OR2L3: variants seen among roughly 807,000 people sequenced by gnomAD.
OR2L3 encodes the protein olfactory receptor family 2 subfamily L member 3, also known as olfactory receptor 2L3.
For missense variants in OR2L3, 369 were observed against 376.6 expected (o/e 0.98, Z 0.17); for synonymous variants, 131 against 139.1 (o/e 0.94, Z 0.41).
chr1:248,046,933 A>G (rs1043034868), intron 1 of OR2L3, 53 bp downstream of exon 1: 2 of 152,122 alleles, frequency 1.3e-5, no homozygotes, highest in Admixed American at 6.5e-5. Flanking sequence ...GGAAGAAGGA[A>G]CTCTGGCAAG....
chr1:248,053,736 G>A (rs540140102), intron 1 of OR2L3, among the ~76,000 whole-genome samples: 2 of 152,060 alleles, frequency 1.3e-5, no homozygotes, highest in Non-Finnish European at 2.9e-5. Flanking sequence ...AAATATGTTT[G>A]TTGGCCATAC....
At chr1:248,060,597 A>C (rs1009658957) in intron 1 of OR2L3, 64 bp from the exon 2 acceptor site, 35 of 1,069,158 alleles carry the variant, frequency 3.3e-5, no homozygotes, top group Non-Finnish European at 4.7e-5. Flanking sequence ...GAGGGGCTTC[A>C]AATGCATTCC....
In OR2L3 at chr1:248,061,067, T is replaced by C; in HGVS notation, c.386T>C (p.Leu129Pro). Residue 129 changes from leucine (L) to proline (P), a missense_variant, in exon 2 of 2, where the codon CTT becomes CCT. Leu to Pro is a moderately conservative substitution (Grantham distance 98). Transcript: ENST00000359959. ...CGTTACATTGCTATTTGCTTTCCTC[T>C]TCACTATCCCATCCGCATGAGCAAA... Reference protein sequence around the residue: ...YDRYIAICFPLHYPIRMSKRM... With the variant: ...YDRYIAICFPPHYPIRMSKRM... 6.2e-7 allele frequency: 1 copy of C among 1,614,140 alleles called. No homozygotes were observed. Among genetic ancestry groups the C allele is most frequent in the Non-Finnish European group, 8.5e-7 (1 of 1,180,030 alleles).
chr1:248,060,449 A>C (rs544359147), intron 1 of OR2L3, among the ~76,000 whole-genome samples: 38 of 152,330 alleles, frequency 2.5e-4, no homozygotes, highest in African/African-American at 8.9e-4. Context: ...CTGTATATTC[A>C]TTCTATTTTA....
intron 1 of OR2L3, among the ~76,000 whole-genome samples, chr1:248,055,387 T>C (rs1315725931): frequency 1.3e-5 from 2 of 152,178 alleles, no homozygotes; most frequent in African/African-American, 4.8e-5. Flanking sequence ...TCAGGGATAT[T>C]GGCACAAAGT....
At chr1:248,054,532 G>A (rs941333438) in intron 1 of OR2L3, among the ~76,000 whole-genome samples, 8 of 151,904 alleles carry the variant, frequency 5.3e-5, no homozygotes, top group East Asian at 1.9e-4. Flanking sequence ...TGCTTTGGGC[G>A]GTATGGCCAT....
intron 1 of OR2L3, among the ~76,000 whole-genome samples, chr1:248,058,371 T>C (rs1038465504): frequency 4.6e-5 from 7 of 152,092 alleles, no homozygotes; most frequent in African/African-American, 1.7e-4. Flanking sequence ...TAGTAACTGC[T>C]CCCTCCTCCG....
In OR2L3 at chr1:248,063,381, G is replaced by A. The variant is rs534961819; in HGVS notation, c.*1761G>A. The A allele has an allele frequency of 6.6e-6, 1 of 152,148 alleles. No homozygotes were observed. Among genetic ancestry groups the A allele is most frequent in the African/African-American group, 2.4e-5 (1 of 41,436 alleles). The allele number at this position is 152,148 out of a possible 1,614,324, so 9.4% of individuals were successfully genotyped here. A position where few individuals can be genotyped will look rare whatever the true frequency, so the allele number is the denominator to read the frequency against. On this transcript the variant is annotated 3_prime_UTR_variant, in exon 2 of 2. Transcript: ENST00000359959. ...TCTATTTCTAAGCCTGTGGATATTTGTTTTACCATATTGTAGCAGTTAAAA... is the reference window on the plus strand; with the variant it reads ...TCTATTTCTAAGCCTGTGGATATTTATTTTACCATATTGTAGCAGTTAAAA...
intron 1 of OR2L3, among the ~76,000 whole-genome samples, chr1:248,051,010 T>C (rs377650252): frequency 1.4e-4 from 21 of 152,204 alleles, no homozygotes; most frequent in African/African-American, 4.6e-4. Flanking sequence ...GCAAATATAC[T>C]TAAGAGGAAC....
intron 1 of OR2L3, among the ~76,000 whole-genome samples, chr1:248,059,622 G>T (rs1266590574): frequency 6.6e-6 from 1 of 152,170 alleles, no homozygotes; most frequent in Admixed American, 6.6e-5. Context: ...ATTCCTTCTG[G>T]ATTTCTAAAT....
At position 248,060,963 on chromosome 1, in the gene OR2L3, T is replaced by C. The variant is rs760605399; in HGVS notation, c.282T>C (p.Thr94=). 1.9e-6 allele frequency: 3 copies of C among 1,614,036 alleles called. No individual in the cohort carries two copies. The highest frequency in any genetic ancestry group is 2.2e-5 in the South Asian group (2 of 91,078). The change falls in exon 2 of 2, where the codon ACT becomes ACC. Residue 94 remains threonine (T), a synonymous_variant. Coordinates refer to ENST00000359959, the MANE Select transcript of OR2L3 (RefSeq NM_001004687.2). The stretch of plus-strand genomic sequence containing the variant: ...CTGGTAACAAGTCTATCTCCTTCAC[T>C]GGGTGTGGGATTCAGAGTTTCTTCT... ...FLSGNKSISF[T]GCGIQSFFFS... is the part of the protein sequence containing the mutation.
At chr1:248,056,655 G>A (rs1558201433) in intron 1 of OR2L3, among the ~76,000 whole-genome samples, 2 of 138,970 alleles carry the variant, frequency 1.4e-5, no homozygotes, top group Admixed American at 8.1e-5. Flanking sequence ...CCCTGTAGTT[G>A]TGTGGTTTTG....
intron 1 of OR2L3, among the ~76,000 whole-genome samples, chr1:248,052,010 G>C (rs1321208589): frequency 6.6e-6 from 1 of 152,132 alleles, no homozygotes; most frequent in Non-Finnish European, 1.5e-5. Context: ...ACTTTATGCA[G>C]ATATTAAATG....
intron 1 of OR2L3, among the ~76,000 whole-genome samples, chr1:248,053,807 T>C (rs1663349833): frequency 6.6e-6 from 1 of 151,986 alleles, no homozygotes; most frequent in Non-Finnish European, 1.5e-5. Flanking sequence ...ATGGGGTTGT[T>C]TGTTCTTTTC....
chr1:248,052,492 G>GC (rs548095193), intron 1 of OR2L3, among the ~76,000 whole-genome samples: 2 of 152,130 alleles, frequency 1.3e-5, no homozygotes, highest in Non-Finnish European at 2.9e-5. Context: ...ACTTTGGGAG[G>GC]CCGAGCCGGG....
rs1422093833 is a variant in OR2L3, at chr1:248,061,583, C to A, written c.902C>A (p.Thr301Lys). 1 of 1,613,226 alleles carries A rather than the reference C, an allele frequency of 6.2e-7. No homozygotes were observed. The highest frequency in any genetic ancestry group is 1.7e-5 in the Admixed American group (1 of 59,878). Residue 301 changes from threonine to lysine, a missense_variant, in exon 2 of 2, where the codon ACA becomes AAA. By Grantham distance (78) the Thr-to-Lys change is moderately conservative. Transcript: ENST00000359959. ...AACAAGGAGGTGATGGGGGCCCTGA[C>A]ACGAGTGAGTCAGAGAATCTGCTCT... is the stretch of plus-strand genomic sequence containing the variant. ...LRNKEVMGAL[T>K]RVSQRICSGK... is the part of the protein sequence containing the mutation.
chr1:248,058,736 A>C (rs1663523306), intron 1 of OR2L3, among the ~76,000 whole-genome samples: 1 of 151,936 alleles, frequency 6.6e-6, no homozygotes, highest in Admixed American at 6.6e-5. Context: ...ATTTCAGAGA[A>C]AATTTTTAAA....
In OR2L3 at chr1:248,061,589, TGA is replaced by T; in HGVS notation, c.910_911del (p.Gln305GlufsTer14). The T allele has an allele frequency of 6.2e-7, 1 of 1,612,788 alleles. No homozygotes were observed. The highest frequency in any genetic ancestry group is 8.5e-7 in the Non-Finnish European group (1 of 1,179,458). On this transcript the variant is annotated frameshift_variant, in exon 2 of 2. Coordinates refer to ENST00000359959, the MANE Select transcript of OR2L3 (RefSeq NM_001004687.2). LOFTEE classifies it low-confidence loss of function (END_TRUNC). Reference sequence around the variant, plus strand: ...GAGGTGATGGGGGCCCTGACACGAGTGAGTCAGAGAATCTGCTCTGGGAAAAT... The same window carrying T: ...GAGGTGATGGGGGCCCTGACACGAGTGTCAGAGAATCTGCTCTGGGAAAAT...
intron 1 of OR2L3, 118 bp from the exon 2 acceptor site, chr1:248,060,543 G>A (rs904934990): frequency 1.5e-6 from 1 of 674,022 alleles, no homozygotes; most frequent in African/African-American, 1.8e-5. Flanking sequence ...GAAAATAATA[G>A]TGTATATAGG....
Sources: allele counts gnomAD v4.1 joint callset (sites outside exome capture counted in the v4.1 genomes callset), GRCh38; gene constraint gnomAD v4.1.1; transcripts MANE v1.5; gene names NCBI Gene and HGNC (gene_info 2026-07-23, HGNC 2026-07-21).